SPTSSB: variants seen among roughly 807,000 people sequenced by gnomAD.
The protein encoded by SPTSSB is serine palmitoyltransferase small subunit B, also known as androgen down regulated in mouse prostate.
A neutral mutation model predicts 7.7 loss-of-function variants in SPTSSB; 6 were observed. The ratio of observed to expected loss-of-function variants is 0.78; its 90% confidence interval spans 0.43 to 1.54. The LOEUF is 1.54. Ranked by LOEUF, SPTSSB falls within the 40% of genes most tolerant of loss-of-function variation. SPTSSB has a pLI of 0.01. For synonymous variants in SPTSSB, 28 were observed against 29.7 expected (o/e 0.94, Z 0.19); for missense variants, 91 against 93.0 (o/e 0.98, Z 0.09).
chr3:161,368,770 C>T (rs1715330676), intron 1 of SPTSSB, among the ~76,000 whole-genome samples: 1 of 152,200 alleles, frequency 6.6e-6, no homozygotes, highest in Non-Finnish European at 1.5e-5. Context: ...AACTAATCTA[C>T]TTTCTCTATA....
chr3:161,351,999 C>G (rs924913822), intron 2 of SPTSSB, among the ~76,000 whole-genome samples: 1 of 152,176 alleles, frequency 6.6e-6, no homozygotes, highest in African/African-American at 2.4e-5. Context: ...TTCAACATTG[C>G]AGAATATTTT....
chr3:161,358,325 G>A (rs1405677129), intron 2 of SPTSSB, among the ~76,000 whole-genome samples: 9 of 152,216 alleles, frequency 5.9e-5, no homozygotes, highest in South Asian at 2.1e-4. Context: ...CTGACAGGTC[G>A]TACGGTGAAG....
chr3:161,356,695 G>A (rs1307908893), intron 2 of SPTSSB, among the ~76,000 whole-genome samples: 1 of 152,128 alleles, frequency 6.6e-6, no homozygotes, highest in Non-Finnish European at 1.5e-5. Context: ...GTGGTGATGA[G>A]GTCAGTGTTT....
intron 1 of SPTSSB, among the ~76,000 whole-genome samples, chr3:161,368,322 T>C (rs555911814): frequency 1.6e-4 from 24 of 152,348 alleles, no homozygotes; most frequent in Middle Eastern, 6.8e-3. Flanking sequence ...TTTAGTATAT[T>C]TACAGTATTG....
In SPTSSB at chr3:161,346,286, A is replaced by G; in HGVS notation, c.38T>C (p.Leu13Pro). 1.9e-6 allele frequency: 3 copies of G among 1,613,872 alleles called. No individual in the cohort carries two copies. The highest frequency in any genetic ancestry group is 2.5e-6 in the Non-Finnish European group (3 of 1,179,810). ...GCTAATGATTTGGTATTGATAGTAG[A>G]GCCAGGAGAAATATTCCTTCACACG... ...LRRVKEYFSWLYYQYQIISCC... is the reference protein window; with the variant it reads ...LRRVKEYFSWPYYQYQIISCC... The change falls in exon 3 of 3, where the codon CTC becomes CCC. Residue 13 changes from leucine (L) to proline (P), a missense_variant. Coordinates refer to ENST00000620149, the MANE Select transcript of SPTSSB (RefSeq NM_001040100.2).
At position 161,349,579 on chromosome 3, in the gene SPTSSB, A is replaced by T. The variant is rs78576315; in HGVS notation, c.-32-3224T>A. Among the ~76,000 whole-genome samples, 10 of 152,314 alleles carry T rather than the reference A, an allele frequency of 6.6e-5. No homozygotes were observed. The East Asian group carries it at 1.9e-3, about 29-fold the overall frequency. On this transcript the variant is annotated intron_variant, in intron 2 of 2. Transcript: ENST00000620149. The stretch of plus-strand genomic sequence containing the variant: ...TTCGATATATGGAAAAGAAGGAGAG[A>T]GTAGTTTATTCTTTTTTAAAAAGAA...
intron 1 of SPTSSB, among the ~76,000 whole-genome samples, chr3:161,365,546 G>A (rs902236284): frequency 6.6e-6 from 1 of 152,192 alleles, no homozygotes; most frequent in Non-Finnish European, 1.5e-5. Context: ...TCCTCAGAAG[G>A]AAAGGTCTTT....
At chr3:161,368,450 G>A (rs1234296560) in intron 1 of SPTSSB, among the ~76,000 whole-genome samples, 1 of 148,468 alleles carries the variant, frequency 6.7e-6, no homozygotes, top group Non-Finnish European at 1.5e-5. Flanking sequence ...TTTTTGAGAC[G>A]GAGTCTCGCT....
At chr3:161,359,337 A>T (rs1349662846) in intron 2 of SPTSSB, 1 of 152,238 alleles carries the variant, frequency 6.6e-6, no homozygotes, top group Non-Finnish European at 1.5e-5. Flanking sequence ...TTCAAGGGTA[A>T]GATGCTGCTC....
At chr3:161,356,557 CTGTT>C (rs1246160548) in intron 2 of SPTSSB, among the ~76,000 whole-genome samples, 1 of 152,128 alleles carries the variant, frequency 6.6e-6, no homozygotes, top group African/African-American at 2.4e-5. Context: ...TACTAATTGT[CTGTT>C]TTCTTTTCAC....
rs1412291805 is a variant in SPTSSB, at chr3:161,344,810, ATTAATT to A, written c.*1277_*1282del. ...CTGGAAGTAGATATTTACTTACAAA[ATTAATT>A]TTATTTTGCAAAACTCAACAAATAC... is the stretch of plus-strand genomic sequence containing the variant. On this transcript the variant is annotated 3_prime_UTR_variant, in exon 3 of 3. Coordinates refer to ENST00000620149, the MANE Select transcript of SPTSSB (RefSeq NM_001040100.2). 6.6e-6 allele frequency: 1 copy of A among 152,330 alleles called. No homozygotes were observed. The highest frequency in any genetic ancestry group is 1.5e-5 in the Non-Finnish European group (1 of 68,040). The allele number at this position is 152,330 out of a possible 1,614,324, so 9.4% of individuals were successfully genotyped here.
At chr3:161,359,952 A>G (rs192384759) in intron 1 of SPTSSB, 58 bp from the exon 2 acceptor site, 2 of 212,462 alleles carry the variant, frequency 9.4e-6, no homozygotes, top group African/African-American at 4.7e-5. Flanking sequence ...TTTTAAAACC[A>G]TTCTGTCCCA....
chr3:161,363,822 G>A (rs1260319583), intron 1 of SPTSSB, among the ~76,000 whole-genome samples: 2 of 151,784 alleles, frequency 1.3e-5, no homozygotes, highest in East Asian at 1.9e-4. Context: ...AAATTTCAAG[G>A]TACCTCAAGA....
chr3:161,363,229 T>G (rs915696932), intron 1 of SPTSSB, among the ~76,000 whole-genome samples: 2 of 151,660 alleles, frequency 1.3e-5, no homozygotes, highest in African/African-American at 2.4e-5. Flanking sequence ...ACTAGAGAGA[T>G]AAGGTTCTAT....
chr3:161,356,688 G>T (rs1236483880), intron 2 of SPTSSB, among the ~76,000 whole-genome samples: 1 of 152,150 alleles, frequency 6.6e-6, no homozygotes, highest in Non-Finnish European at 1.5e-5. Flanking sequence ...GAAAGCTGTG[G>T]TGATGAGGTC....
chr3:161,365,637 A>G (rs1560107731), intron 1 of SPTSSB, among the ~76,000 whole-genome samples: 2 of 152,240 alleles, frequency 1.3e-5, no homozygotes, highest in Non-Finnish European at 2.9e-5. Flanking sequence ...GAATGAATGA[A>G]TGAGAATTCT....
At chr3:161,369,531 T>A (rs1036424903) in intron 1 of SPTSSB, among the ~76,000 whole-genome samples, 1 of 151,634 alleles carries the variant, frequency 6.6e-6, no homozygotes, top group African/African-American at 2.4e-5. Context: ...TGTTTCTACC[T>A]GCTCTTTGGA....
At chr3:161,359,778 G>A (rs941118302) in intron 2 of SPTSSB, 24 bp downstream of exon 2, 38 of 985,260 alleles carry the variant, frequency 3.9e-5, no homozygotes, top group Admixed American at 1.8e-4. Context: ...GCAAGTCTCC[G>A]TGATATAATC....
chr3:161,361,744 C>T (rs1715025280), intron 1 of SPTSSB, among the ~76,000 whole-genome samples: 1 of 152,118 alleles, frequency 6.6e-6, no homozygotes, highest in Non-Finnish European at 1.5e-5. Flanking sequence ...TTTATTTCCT[C>T]TTATCTAACA....
Sources: gnomAD v4.1 joint callset for allele counts (sites outside exome capture counted in the v4.1 genomes callset) on GRCh38, gnomAD v4.1.1 for gene constraint, MANE v1.5 for transcripts, NCBI Gene and HGNC (gene_info 2026-07-23, HGNC 2026-07-21) for gene names.